PTPRQ: variants seen among roughly 807,000 people sequenced by gnomAD.
PTPRQ encodes protein tyrosine phosphatase receptor type Q, also known as phosphatidylinositol phosphatase PTPRQ.
Under a neutral mutation model 246.0 loss-of-function variants are expected in PTPRQ, and 199 were observed. The ratio of observed to expected loss-of-function variants is 0.81; its 90% CI spans 0.72 to 0.91. PTPRQ has a LOEUF of 0.91. Ranked by LOEUF, PTPRQ falls within the 40% of genes least tolerant of loss-of-function variation. The probability of loss-of-function intolerance (pLI) is 0.00; values close to 1 mark genes in which losing one functional copy is unlikely to be tolerated. For synonymous variants in PTPRQ, 869 were observed against 853.2 expected (o/e 1.02, Z -0.32); for missense variants, 2,624 against 2,528.4 (o/e 1.04, Z -0.81).
At chr12:80,490,096 A>G (rs565487083) in intron 9 of PTPRQ, among the ~76,000 whole-genome samples, 12 of 152,086 alleles carry the variant, frequency 7.9e-5, no homozygotes, top group African/African-American at 2.9e-4. Context: ...ATTCAGCATT[A>G]GGAACATAAA....
At chr12:80,611,253 G>T (rs1482542990) in intron 28 of PTPRQ, among the ~76,000 whole-genome samples, 2 of 150,320 alleles carry the variant, frequency 1.3e-5, no homozygotes, top group African/African-American at 4.9e-5. Flanking sequence ...CCCAGAACTT[G>T]CTTGCCCCAT....
At chr12:80,466,091 G>C (rs544224709) in intron 6 of PTPRQ, among the ~76,000 whole-genome samples, 2 of 152,300 alleles carry the variant, frequency 1.3e-5, no homozygotes, top group Admixed American at 1.3e-4. Context: ...CGACATGATT[G>C]TGTATCTAGA....
chr12:80,614,691 C>T (rs1194008333), intron 29 of PTPRQ, among the ~76,000 whole-genome samples: 1 of 150,754 alleles, frequency 6.6e-6, no homozygotes, highest in African/African-American at 2.4e-5. Flanking sequence ...AGAGGGAAGA[C>T]GGTGACTAAG....
rs141826768 is a variant in PTPRQ at position 80,556,178 on chromosome 12, C to A, written c.4285+6444C>A. On this transcript the variant is annotated intron_variant, in intron 25 of 44. Coordinates refer to ENST00000644991, the MANE Select transcript of PTPRQ (RefSeq NM_001145026.2). ...GAGTAGCTGGGACTACAGGCCTGTG[C>A]CACCACACCCAGCTAATTTTTCGTA... 2.8e-3 allele frequency among the ~76,000 whole-genome samples: 421 copies of A among 152,172 alleles called. 3 individuals are homozygous for A. Among genetic ancestry groups the A allele is most frequent in the African/African-American group, 9.5e-3 (394 of 41,500 alleles).
At chr12:80,521,449 C>T (rs932855314) in intron 17 of PTPRQ, among the ~76,000 whole-genome samples, 1 of 152,152 alleles carries the variant, frequency 6.6e-6, no homozygotes, top group Non-Finnish European at 1.5e-5. Context: ...TGCCTATGTC[C>T]TGAATGGTAT....
At chr12:80,453,557 T>C (rs1050911168) in intron 3 of PTPRQ, among the ~76,000 whole-genome samples, 1 of 131,492 alleles carries the variant, frequency 7.6e-6, no homozygotes, top group Admixed American at 8.3e-5. Context: ...GTGGATGTCC[T>C]TTCTGTTTGT....
At chr12:80,546,226 G>T (rs192733179) in intron 23 of PTPRQ, among the ~76,000 whole-genome samples, 9 of 151,968 alleles carry the variant, frequency 5.9e-5, no homozygotes, top group African/African-American at 2.2e-4. Flanking sequence ...GGCTGAGGCA[G>T]GGAGAATGGC....
At position 80,666,227 on chromosome 12, in the gene PTPRQ, A is replaced by G. The variant is rs985037049; in HGVS notation, c.6193-2780A>G. On this transcript the variant is annotated intron_variant, in intron 39 of 44. Transcript: ENST00000644991. ...TGCTGTATATACGCAATGGAATACT[A>G]TTTAGCCATGTAAAAGAATAAAGTC... Among the ~76,000 whole-genome samples the G allele has an allele frequency of 2.6e-5, 4 of 152,066 alleles. No individual in the cohort carries two copies. The East Asian group carries it at 7.7e-4, about 29-fold the overall frequency.
chr12:80,564,058 T>C (rs933734736), intron 25 of PTPRQ, among the ~76,000 whole-genome samples: 8 of 152,044 alleles, frequency 5.3e-5, no homozygotes, highest in African/African-American at 1.9e-4. Context: ...TTTAAATTTT[T>C]AGCTAGAGAG....
At chr12:80,514,410 T>A (rs1168017775) in intron 17 of PTPRQ, among the ~76,000 whole-genome samples, 2 of 64,480 alleles carry the variant, frequency 3.1e-5, no homozygotes, top group Non-Finnish European at 8.8e-5. Context: ...ACACTCTCTC[T>A]CTCTCTCTCT....
intron 17 of PTPRQ, among the ~76,000 whole-genome samples, chr12:80,516,757 A>G (rs1375769750): frequency 6.6e-6 from 1 of 152,224 alleles, no homozygotes; most frequent in Non-Finnish European, 1.5e-5. Flanking sequence ...ATATAGATCA[A>G]TCATCAGAAT....
At chr12:80,518,112 G>T (rs372463793) in intron 17 of PTPRQ, among the ~76,000 whole-genome samples, 1 of 152,136 alleles carries the variant, frequency 6.6e-6, no homozygotes, top group Non-Finnish European at 1.5e-5. Flanking sequence ...AGTGTACAAG[G>T]GTTCCCTTTT....
intron 25 of PTPRQ, among the ~76,000 whole-genome samples, chr12:80,564,259 T>C (rs1896917085): frequency 6.6e-6 from 1 of 152,120 alleles, no homozygotes; most frequent in South Asian, 2.1e-4. Context: ...GGTTGGTATT[T>C]CCAGATTGCT....
chr12:80,629,696 A>T (rs995626435), intron 33 of PTPRQ, among the ~76,000 whole-genome samples: 3 of 152,196 alleles, frequency 2.0e-5, no homozygotes, highest in African/African-American at 7.2e-5. Context: ...CAGAGAAATA[A>T]TGTTTTAAAA....
At chr12:80,471,711 T>G (rs1893643398) in intron 7 of PTPRQ, among the ~76,000 whole-genome samples, 1 of 150,790 alleles carries the variant, frequency 6.6e-6, no homozygotes, top group Non-Finnish European at 1.5e-5. Flanking sequence ...TCTCCTGACC[T>G]CGTGATCCGC....
intron 8 of PTPRQ, among the ~76,000 whole-genome samples, chr12:80,478,228 C>G (rs1235008767): frequency 6.7e-6 from 1 of 150,328 alleles, no homozygotes; most frequent in African/African-American, 2.5e-5. Flanking sequence ...GACCCCTGAC[C>G]CCCGAGCAGC....
chr12:80,658,100 C>T lies in PTPRQ; in HGVS notation c.6192+39C>T, dbSNP rs1316608323. The T allele has an allele frequency of 6.1e-6, 7 of 1,144,504 alleles. No individual in the cohort carries two copies. In the African/African-American group the frequency reaches 8.1e-5, roughly 13 times the overall value. The allele number at this position is 1,144,504 out of a possible 1,614,324, so 70.9% of individuals were successfully genotyped here. A position where few individuals can be genotyped will look rare whatever the true frequency, so the allele number is the denominator to read the frequency against. ...TTATATATTTTATAATTGTATAAAA[C>T]ATAATTACTGAAATTGTATTATCTT... is the stretch of plus-strand genomic sequence containing the variant. On this transcript the variant is annotated intron_variant, in intron 39 of 44. Coordinates refer to ENST00000644991, the MANE Select transcript of PTPRQ (RefSeq NM_001145026.2).
At chr12:80,513,709 C>T (rs1410667157) in intron 17 of PTPRQ, among the ~76,000 whole-genome samples, 1 of 152,118 alleles carries the variant, frequency 6.6e-6, no homozygotes, top group African/African-American at 2.4e-5. Context: ...AGAAACGTCA[C>T]CTGACCTTTT....
At chr12:80,613,540 T>C in intron 28 of PTPRQ, 52 bp from the exon 29 acceptor site, 1 of 1,427,126 alleles carries the variant, frequency 7.0e-7, no homozygotes, top group African/African-American at 1.5e-5. Context: ...TATGTGGAGA[T>C]AAAAAGGAAT....
Sources: gnomAD v4.1 joint callset for allele counts (sites outside exome capture counted in the v4.1 genomes callset) on GRCh38, gnomAD v4.1.1 for gene constraint, MANE v1.5 for transcripts, NCBI Gene and HGNC (gene_info 2026-07-23, HGNC 2026-07-21) for gene names.